Variants in CNKSR3 observed in about 807,000 individuals in gnomAD.
The protein encoded by CNKSR3 is CNKSR family member 3, also known as connector enhancer of kinase suppressor of ras 3.
Under a neutral mutation model 67.7 loss-of-function variants are expected in CNKSR3, and 36 were observed. That is an observed-to-expected ratio of 0.53 (90% CI 0.41 to 0.70). The LOEUF is 0.70. Ranked by LOEUF, CNKSR3 falls within the 30% of genes least tolerant of loss-of-function variation. CNKSR3 has a pLI of 0.00. For synonymous variants in CNKSR3, 281 were observed against 271.4 expected (o/e 1.04, Z -0.35); for missense variants, 630 against 695.2 (o/e 0.91, Z 1.05).
intron 1 of CNKSR3, among the ~76,000 whole-genome samples, chr6:154,489,241 C>T (rs1007879138): frequency 2.4e-4 from 36 of 152,004 alleles, no homozygotes; most frequent in African/African-American, 8.4e-4. Context: ...GTAAAGTCAC[C>T]CTATTGCTGC....
rs1052465269 is a variant in CNKSR3 at position 154,392,642 on chromosome 6, G to A, written c.*13712C>T. 2 of 152,250 alleles carry A rather than the reference G, an allele frequency of 1.3e-5. No homozygotes were observed. Among genetic ancestry groups the A allele is most frequent in the Non-Finnish European group, 2.9e-5 (2 of 68,056 alleles). The allele number at this position is 152,250 out of a possible 1,614,324, so 9.4% of individuals were successfully genotyped here. On this transcript the variant is annotated 3_prime_UTR_variant, in exon 13 of 13. Coordinates refer to ENST00000607772, the MANE Select transcript of CNKSR3 (RefSeq NM_173515.4). ...AGCCTCTCTATTGGCATCATCAGAG[G>A]TTGTGTTTGCAGCTAGGCAACACTG...
chr6:154,510,161 T>A lies in CNKSR3; in HGVS notation c.-47A>T. 6.2e-7 allele frequency: 1 copy of A among 1,608,048 alleles called. No individual in the cohort carries two copies. The stretch of plus-strand genomic sequence containing the variant: ...CTGGGCTGGAGAGTCGCAGATAAAG[T>A]GCTGCTGCCTGCGCTCCGGTGCCCC... On this transcript the variant is annotated 5_prime_UTR_variant, in exon 1 of 13. Coordinates refer to ENST00000607772, the MANE Select transcript of CNKSR3 (RefSeq NM_173515.4).
chr6:154,438,085 C>T (rs11756201), intron 4 of CNKSR3, among the ~76,000 whole-genome samples: 41,832 of 152,092 alleles, frequency 0.28, 6,604 homozygotes, highest in Non-Finnish European at 0.37. Flanking sequence ...CATGAGCCAC[C>T]GCACCTGGCC....
intron 1 of CNKSR3, among the ~76,000 whole-genome samples, chr6:154,489,938 C>G (rs1786753627): frequency 6.6e-6 from 1 of 152,128 alleles, no homozygotes; most frequent in South Asian, 2.1e-4. Flanking sequence ...GGGGAACACT[C>G]CCCTCCAAAC....
At chr6:154,410,321 G>C in intron 12 of CNKSR3, 22 bp downstream of exon 12, 1 of 1,584,066 alleles carries the variant, frequency 6.3e-7, no homozygotes, top group Non-Finnish European at 8.7e-7. Context: ...GCTGTTCCTT[G>C]GTTTGCTTGG....
intron 2 of CNKSR3, among the ~76,000 whole-genome samples, chr6:154,448,111 T>A (rs1013607676): frequency 3.9e-5 from 6 of 151,966 alleles, no homozygotes; most frequent in African/African-American, 1.5e-4. Flanking sequence ...TAGAAGGAAA[T>A]TGTAGGAGAT....
chr6:154,418,273 C>T (rs999070425), intron 9 of CNKSR3, among the ~76,000 whole-genome samples: 2 of 152,298 alleles, frequency 1.3e-5, no homozygotes, highest in Admixed American at 6.5e-5. Flanking sequence ...GCTGCCTCCC[C>T]GTCATCATTC....
At chr6:154,429,426 C>T (rs528728550) in intron 6 of CNKSR3, among the ~76,000 whole-genome samples, 1 of 152,314 alleles carries the variant, frequency 6.6e-6, no homozygotes, top group South Asian at 2.1e-4. Flanking sequence ...CAGGGCATTG[C>T]TGGTATAACT....
intron 9 of CNKSR3, among the ~76,000 whole-genome samples, chr6:154,420,981 A>AC (rs1280322541): frequency 1.3e-5 from 2 of 151,994 alleles, no homozygotes; most frequent in East Asian, 3.9e-4. Context: ...CTCTTGCCCT[A>AC]CCTTTATTAC....
intron 9 of CNKSR3, among the ~76,000 whole-genome samples, chr6:154,417,907 A>G (rs560721906): frequency 6.6e-6 from 1 of 152,078 alleles, no homozygotes; most frequent in Non-Finnish European, 1.5e-5. Flanking sequence ...TCAACTTGTC[A>G]CCTGTGGAAG....
At chr6:154,431,094 A>C (rs1045083502) in intron 5 of CNKSR3, among the ~76,000 whole-genome samples, 8 of 152,100 alleles carry the variant, frequency 5.3e-5, no homozygotes, top group African/African-American at 1.9e-4. Context: ...ACCAGCCTCC[A>C]TTCCCAGTTT....
At chr6:154,451,494 CGCATACAT>C (rs1785828557) in intron 1 of CNKSR3, among the ~76,000 whole-genome samples, 1 of 15,232 alleles carries the variant, frequency 6.6e-5, no homozygotes. Context: ...CACGCACACA[CGCATACAT>C]GCACACACAC....
rs1784748909 is a variant in CNKSR3 at position 154,404,284 on chromosome 6, C to T, written c.*2070G>A. ...GCCTGATCTTGGCTCACTACAACCTCCGCCTCCAGGGTTCAAGTGATTCTC... is the reference window on the plus strand; with the variant it reads ...GCCTGATCTTGGCTCACTACAACCTTCGCCTCCAGGGTTCAAGTGATTCTC... On this transcript the variant is annotated 3_prime_UTR_variant, in exon 13 of 13. Transcript: ENST00000607772. The T allele has an allele frequency of 6.6e-6, 1 of 152,420 alleles. No homozygotes were observed. Among genetic ancestry groups the T allele is most frequent in the Non-Finnish European group, 1.5e-5 (1 of 68,290 alleles). The allele number at this position is 152,420 out of a possible 1,614,324, so 9.4% of individuals were successfully genotyped here. A position where few individuals can be genotyped will look rare whatever the true frequency, so the allele number is the denominator to read the frequency against.
intron 1 of CNKSR3, among the ~76,000 whole-genome samples, chr6:154,477,818 T>A (rs1786484773): frequency 6.6e-6 from 1 of 152,168 alleles, no homozygotes; most frequent in Non-Finnish European, 1.5e-5. Flanking sequence ...CCATCCACAC[T>A]GCTCTTCAAA....
intron 9 of CNKSR3, among the ~76,000 whole-genome samples, chr6:154,419,839 G>T (rs1785102255): frequency 6.6e-6 from 1 of 152,154 alleles, no homozygotes; most frequent in Admixed American, 6.5e-5. Flanking sequence ...TAGCACTTTG[G>T]GAGGCTGAGG....
At chr6:154,431,029 T>TAA (rs1343598284) in intron 5 of CNKSR3, among the ~76,000 whole-genome samples, 8 of 146,314 alleles carry the variant, frequency 5.5e-5, no homozygotes, top group African/African-American at 1.8e-4. Flanking sequence ...TTCACGTTTA[T>TAA]AAAAAAAAAA....
chr6:154,464,456 C>T (rs942207917), intron 1 of CNKSR3, among the ~76,000 whole-genome samples: 2 of 152,222 alleles, frequency 1.3e-5, no homozygotes, highest in Admixed American at 6.5e-5. Context: ...GTGACTCACA[C>T]CTGTAATCCC....
At chr6:154,420,581 T>C (rs1260570083) in intron 9 of CNKSR3, among the ~76,000 whole-genome samples, 3 of 146,320 alleles carry the variant, frequency 2.1e-5, no homozygotes, top group African/African-American at 5.0e-5. Context: ...CCCAGCTACT[T>C]GGGAGGCTGA....
rs1430729210 is a variant in CNKSR3, at chr6:154,450,407, G to C, written c.53-149C>G. On this transcript the variant is annotated intron_variant, in intron 1 of 12. Coordinates refer to ENST00000607772, the MANE Select transcript of CNKSR3 (RefSeq NM_173515.4). ...ATGTGAGGCCTATTGCACCTGATGGGCACTTTTGCATGACATGTCAAACAG... is the reference window on the plus strand; with the variant it reads ...ATGTGAGGCCTATTGCACCTGATGGCCACTTTTGCATGACATGTCAAACAG... The C allele has an allele frequency of 5.5e-6, 4 of 724,328 alleles. No individual in the cohort carries two copies. In the East Asian group the frequency reaches 8.5e-5, roughly 15 times the overall value. The allele number at this position is 724,328 out of a possible 1,614,324, so 44.9% of individuals were successfully genotyped here. A position where few individuals can be genotyped will look rare whatever the true frequency, so the allele number is the denominator to read the frequency against.
Sources: allele counts gnomAD v4.1 joint callset (sites outside exome capture counted in the v4.1 genomes callset), GRCh38; gene constraint gnomAD v4.1.1; transcripts MANE v1.5; gene names NCBI Gene and HGNC (gene_info 2026-07-23, HGNC 2026-07-21).